Variants in PDE10A observed in about 807,000 individuals in gnomAD.
PDE10A encodes the protein phosphodiesterase 10A, also known as cAMP and cAMP-inhibited cGMP 3',5'-cyclic phosphodiesterase 10A.
A neutral mutation model predicts 97.7 loss-of-function variants in PDE10A; 39 were observed. The ratio of observed to expected loss-of-function variants is 0.40; its 90% CI spans 0.31 to 0.52. The LOEUF is 0.52. Among genes scored for constraint, PDE10A ranks in the 20% least tolerant of loss-of-function variants. PDE10A has a pLI of 0.56. For missense variants in PDE10A, 731 were observed against 1,047.8 expected (o/e 0.70, Z 4.17); for synonymous variants, 371 against 376.8 (o/e 0.98, Z 0.18).
At chr6:165,935,975 A>G (rs553706789) in intron 1 of PDE10A, among the ~76,000 whole-genome samples, 4 of 152,380 alleles carry the variant, frequency 2.6e-5, no homozygotes, top group South Asian at 2.1e-4. Context: ...ATTTTGTTAC[A>G]GCAGCACAAA....
intron 1 of PDE10A, among the ~76,000 whole-genome samples, chr6:165,976,214 A>C (rs1015168311): frequency 2.6e-5 from 4 of 152,174 alleles, no homozygotes; most frequent in African/African-American, 9.7e-5. Context: ...TGTTATGTGG[A>C]TATGTTAATT....
At chr6:165,439,189 A>G (rs185938977) in intron 5 of PDE10A, among the ~76,000 whole-genome samples, 1 of 152,272 alleles carries the variant, frequency 6.6e-6, no homozygotes, top group African/African-American at 2.4e-5. Context: ...GGATGAATGG[A>G]AACACCAGAC....
rs1787257769 is a variant in PDE10A at position 165,607,307 on chromosome 6, T to C, written c.865+54640A>G. Among the ~76,000 whole-genome samples, 5 of 152,244 alleles carry C rather than the reference T, an allele frequency of 3.3e-5. No individual in the cohort carries two copies. In the South Asian group the frequency reaches 1.0e-3, roughly 32 times the overall value. On this transcript the variant is annotated intron_variant, in intron 1 of 21. Coordinates refer to ENST00000539869, the MANE Select transcript of PDE10A (RefSeq NM_001385079.1). ...TGGTCAACAAGCGACCAAAGATATA[T>C]GAGATGGTCCCATAATATTATAACG...
At chr6:165,727,134 A>G (rs1792319183) in intron 1 of PDE10A, among the ~76,000 whole-genome samples, 1 of 152,184 alleles carries the variant, frequency 6.6e-6, no homozygotes, top group South Asian at 2.1e-4. Context: ...TGATGACCAC[A>G]CAGGAGACCC....
rs1258842814 is a variant in PDE10A at position 165,332,007 on chromosome 6, C to T, written c.*1018G>A. 6.6e-6 allele frequency: 1 copy of T among 152,090 alleles called. No homozygotes were observed. Among genetic ancestry groups the T allele is most frequent in the Non-Finnish European group, 1.5e-5 (1 of 68,022 alleles). 9.4% of individuals were successfully genotyped at this position (152,090 alleles called of 1,614,324 possible). ...GGTCAGAGTAAAATTACAAAATACA[C>T]TTTTTATGGTTTGATGTTTAAAAGA... On this transcript the variant is annotated 3_prime_UTR_variant, in exon 22 of 22. Coordinates refer to ENST00000539869, the MANE Select transcript of PDE10A (RefSeq NM_001385079.1).
chr6:165,628,503 G>A (rs1464161948), intron 1 of PDE10A, among the ~76,000 whole-genome samples: 1 of 152,082 alleles, frequency 6.6e-6, no homozygotes, highest in Non-Finnish European at 1.5e-5. Flanking sequence ...ACAGGCACAT[G>A]CCACCACACC....
At chr6:165,451,823 C>T (rs1263436379) in intron 3 of PDE10A, among the ~76,000 whole-genome samples, 1 of 152,148 alleles carries the variant, frequency 6.6e-6, no homozygotes, top group African/African-American at 2.4e-5. Context: ...CTTCAATGAG[C>T]TCACATTCTA....
intron 1 of PDE10A, among the ~76,000 whole-genome samples, chr6:165,558,455 G>C (rs1784366253): frequency 6.6e-6 from 1 of 152,080 alleles, no homozygotes; most frequent in South Asian, 2.1e-4. Context: ...GGCCTGTCGT[G>C]GGGTTGGGGG....
intron 1 of PDE10A, among the ~76,000 whole-genome samples, chr6:165,924,200 ATCTC>A (rs950931198): frequency 1.3e-5 from 2 of 152,202 alleles, no homozygotes; most frequent in Non-Finnish European, 2.9e-5. Flanking sequence ...TGGATAAAAT[ATCTC>A]TCTCTGTGTG....
At chr6:165,695,777 A>G (rs1412845179) in intron 1 of PDE10A, among the ~76,000 whole-genome samples, 1 of 151,956 alleles carries the variant, frequency 6.6e-6, no homozygotes, top group African/African-American at 2.4e-5. Context: ...TAGGCTCGCT[A>G]GTGCACAAGG....
chr6:165,713,114 G>C (rs184073731), intron 1 of PDE10A, among the ~76,000 whole-genome samples: 6 of 151,736 alleles, frequency 4.0e-5, no homozygotes, highest in Non-Finnish European at 5.9e-5. Context: ...CAAAGTCAGC[G>C]AGGCTTGAGA....
At chr6:165,605,284 A>C (rs1388986742) in intron 1 of PDE10A, among the ~76,000 whole-genome samples, 2 of 152,096 alleles carry the variant, frequency 1.3e-5, no homozygotes, top group African/African-American at 2.4e-5. Flanking sequence ...AACAAAAAAA[A>C]CCAACAAGTC....
chr6:165,584,518 C>G (rs538953854), intron 1 of PDE10A, among the ~76,000 whole-genome samples: 1 of 152,340 alleles, frequency 6.6e-6, no homozygotes, highest in East Asian at 1.9e-4. Flanking sequence ...CAGTGCCATT[C>G]TGCAGATGAC....
chr6:165,960,988 G>A (rs528056436), intron 1 of PDE10A, among the ~76,000 whole-genome samples: 1 of 152,242 alleles, frequency 6.6e-6, no homozygotes, highest in East Asian at 1.9e-4. Flanking sequence ...TTGCCGGGGA[G>A]TGTGGCAGAA....
At chr6:165,938,077 G>C (rs937543603) in intron 1 of PDE10A, among the ~76,000 whole-genome samples, 1 of 152,184 alleles carries the variant, frequency 6.6e-6, no homozygotes, top group Admixed American at 6.5e-5. Context: ...CAGTATCAAA[G>C]GTCTAAATAT....
At chr6:165,911,466 G>A (rs1782452301) in intron 1 of PDE10A, among the ~76,000 whole-genome samples, 2 of 152,136 alleles carry the variant, frequency 1.3e-5, no homozygotes, top group Admixed American at 1.3e-4. Context: ...CTATTGATGA[G>A]GAACTTGAAT....
chr6:165,636,316 C>A (rs1788873669), intron 1 of PDE10A, among the ~76,000 whole-genome samples: 1 of 152,094 alleles, frequency 6.6e-6, no homozygotes, highest in Non-Finnish European at 1.5e-5. Flanking sequence ...CACACACACA[C>A]AAACACTCTT....
intron 1 of PDE10A, among the ~76,000 whole-genome samples, chr6:165,557,600 A>G (rs1341424266): frequency 6.6e-6 from 1 of 151,390 alleles, no homozygotes; most frequent in East Asian, 1.9e-4. Context: ...CAGAATATAT[A>G]GGTTTTCTAC....
chr6:165,827,547 G>A (rs140236043), intron 1 of PDE10A, among the ~76,000 whole-genome samples: 31 of 152,344 alleles, frequency 2.0e-4, no homozygotes, highest in Non-Finnish European at 3.8e-4. Context: ...CACACCTTAC[G>A]TGGTTCCAAG....
Sources: allele counts gnomAD v4.1 joint callset (sites outside exome capture counted in the v4.1 genomes callset), GRCh38; gene constraint gnomAD v4.1.1; transcripts MANE v1.5; gene names NCBI Gene and HGNC (gene_info 2026-07-23, HGNC 2026-07-21).